The following PIR variants were observed in gnomAD, a reference collection of about 807,000 sequenced individuals.
PIR encodes the protein pirin (iron-binding nuclear protein).
PIR carries 22 observed loss-of-function variants against 24.2 expected under a neutral mutation model. The observed-to-expected ratio is 0.91, with a 90% CI of 0.65 to 1.30. PIR has a LOEUF of 1.30. PIR is among the 50% of genes most tolerant of loss of function. PIR has a pLI of 0.00. For synonymous variants in PIR, 80 were observed against 79.6 expected (o/e 1.00, Z -0.03); for missense variants, 220 against 220.3 (o/e 1.00, Z 0.01).
rs777976196 is a variant in PIR, at chrX:15,407,543, T to G, written c.573A>C (p.Thr191=). The G allele has an allele frequency of 8.3e-7, 1 of 1,199,890 alleles. No homozygotes were observed. Among genetic ancestry groups the G allele is most frequent in the South Asian group, 1.8e-5 (1 of 56,650 alleles). The change falls in exon 7 of 10, where the codon ACA becomes ACC. Residue 191 remains threonine (T), a synonymous_variant. Transcript: ENST00000380420. ...CTCCAGATATCGTGTAAATGAAGCT[T>G]GTCCACCCTGGAAAGGACCAGCAAC... ...KHSQPIPKGW[T]SFIYTISGDV... is the part of the protein sequence containing the mutation.
At chrX:15,395,025 CA>C (rs1924082077) in intron 8 of PIR, among the ~76,000 whole-genome samples, 1 of 111,624 alleles carries the variant, frequency 9.0e-6, no homozygotes, top group Admixed American at 9.5e-5. Flanking sequence ...AAAAGCCAGG[CA>C]AAAAATCAGC....
intron 7 of PIR, among the ~76,000 whole-genome samples, chrX:15,406,241 C>T (rs1335459785): frequency 8.9e-6 from 1 of 112,439 alleles, no homozygotes; most frequent in Non-Finnish European, 1.9e-5. Context: ...GAGGAGAAAA[C>T]GAGGGGCTGG....
intron 6 of PIR, among the ~76,000 whole-genome samples, chrX:15,419,441 A>G (rs745830158): frequency 9.2e-6 from 1 of 109,086 alleles, no homozygotes; most frequent in South Asian, 4.0e-4. Flanking sequence ...ACAGACAGAC[A>G]GACTGAGAAA....
chrX:15,403,565 A>G (rs2147010558), intron 7 of PIR, among the ~76,000 whole-genome samples: 1 of 110,686 alleles, frequency 9.0e-6, no homozygotes, highest in African/African-American at 3.3e-5. Flanking sequence ...TGGTTTTCTG[A>G]CAATGTATTT....
chrX:15,440,454 T>C (rs960676322), intron 5 of PIR, among the ~76,000 whole-genome samples: 2 of 110,636 alleles, frequency 1.8e-5, no homozygotes, highest in African/African-American at 6.6e-5. Context: ...CACTGTCATA[T>C]GTCTGCTTGG....
At chrX:15,455,237 T>C (rs1273130418) in intron 5 of PIR, among the ~76,000 whole-genome samples, 1 of 112,474 alleles carries the variant, frequency 8.9e-6, no homozygotes, top group African/African-American at 3.2e-5. Context: ...CTCCCACAAA[T>C]ATGTCCATAA....
intron 5 of PIR, among the ~76,000 whole-genome samples, chrX:15,433,009 G>A (rs1925560420): frequency 8.9e-6 from 1 of 112,472 alleles, no homozygotes; most frequent in Non-Finnish European, 1.9e-5. Context: ...GTCAAGACAG[G>A]TGAGGGTGGG....
At chrX:15,432,086 G>A (rs1039214826) in intron 5 of PIR, among the ~76,000 whole-genome samples, 3 of 109,981 alleles carry the variant, frequency 2.7e-5, no homozygotes, top group African/African-American at 9.9e-5. Flanking sequence ...ATATGTTGAG[G>A]GCTTAGTATG....
intron 6 of PIR, among the ~76,000 whole-genome samples, chrX:15,419,475 G>A (rs1925046206): frequency 9.1e-6 from 1 of 109,973 alleles, no homozygotes; most frequent in South Asian, 3.9e-4. Context: ...AACTAAAAGT[G>A]ATGTATTGGA....
At chrX:15,417,252 G>C (rs1363613295) in intron 6 of PIR, among the ~76,000 whole-genome samples, 1 of 94,297 alleles carries the variant, frequency 1.1e-5, no homozygotes, top group African/African-American at 4.0e-5. Context: ...GCCAGCTCCG[G>C]CTGACACTTT....
At chrX:15,487,237 T>C (rs988319996) in intron 2 of PIR, among the ~76,000 whole-genome samples, 15 of 112,069 alleles carry the variant, frequency 1.3e-4, no homozygotes, top group African/African-American at 4.5e-4. Flanking sequence ...AAAAGCATCA[T>C]CTACAGAGGC....
intron 9 of PIR, 74 bp downstream of exon 9, chrX:15,390,111 C>A: frequency 2.0e-6 from 1 of 488,980 alleles, no homozygotes; most frequent in Non-Finnish European, 3.3e-6. Context: ...TTCTTCCCAA[C>A]AATAGTATAC....
intron 1 of PIR, among the ~76,000 whole-genome samples, chrX:15,491,669 C>A (rs1277823018): frequency 1.8e-5 from 2 of 111,891 alleles, no homozygotes; most frequent in Non-Finnish European, 3.8e-5. Context: ...TCCCATAAGA[C>A]TATAATGCCA....
At chrX:15,424,319 C>T (rs768914375) in intron 6 of PIR, among the ~76,000 whole-genome samples, 3 of 111,972 alleles carry the variant, frequency 2.7e-5, no homozygotes, top group Non-Finnish European at 5.6e-5. Flanking sequence ...AAATATTGCA[C>T]GTTCTCACTC....
intron 7 of PIR, among the ~76,000 whole-genome samples, chrX:15,399,062 G>C (rs1179013955): frequency 4.5e-5 from 5 of 111,359 alleles, no homozygotes; most frequent in Non-Finnish European, 9.4e-5. Flanking sequence ...GCTGTAGAGA[G>C]GGGGTGAGAT....
chrX:15,465,269 A>T (rs1331345488), intron 3 of PIR, among the ~76,000 whole-genome samples: 1 of 51,155 alleles, frequency 2.0e-5, no homozygotes, highest in Non-Finnish European at 2.9e-5. Flanking sequence ...ACATACTTTC[A>T]GCCTTTGGGG....
rs1924028496 is a variant in PIR at position 15,393,565 on chromosome X, C to G, written c.694-3314G>C. 7.2e-5 allele frequency among the ~76,000 whole-genome samples: 8 copies of G among 110,458 alleles called. No homozygotes were observed. The Admixed American group carries it at 7.8e-4, about 11-fold the overall frequency. ...AGTGAAGCTTCATCTGTATGTACAG[C>G]CACTCCCCACTGCTCGAATTACCAC... On this transcript the variant is annotated intron_variant, in intron 8 of 9. Coordinates refer to ENST00000380420, the MANE Select transcript of PIR (RefSeq NM_001018109.3).
chrX:15,479,671 T>G lies in PIR; in HGVS notation c.189+58A>C. 5 of 546,053 alleles carry G rather than the reference T, an allele frequency of 9.2e-6. No individual in the cohort carries two copies. In the South Asian group the frequency reaches 2.2e-4, roughly 24 times the overall value. The allele number at this position is 546,053 out of a possible 1,213,427, so 45.0% of individuals were successfully genotyped here. On this transcript the variant is annotated intron_variant, in intron 3 of 9. Coordinates refer to ENST00000380420, the MANE Select transcript of PIR (RefSeq NM_001018109.3). The stretch of plus-strand genomic sequence containing the variant: ...TTGCTTTTAAAATTGAATTTTCTAT[T>G]AGAAGAAAGAGGTATGTTTCAAAAT...
At chrX:15,437,395 T>C (rs987954073) in intron 5 of PIR, among the ~76,000 whole-genome samples, 5 of 112,000 alleles carry the variant, frequency 4.5e-5, no homozygotes, top group Non-Finnish European at 9.4e-5. Context: ...ACTTTGTTCA[T>C]ATATTAATAC....
Sources: gnomAD v4.1 joint callset for allele counts (sites outside exome capture counted in the v4.1 genomes callset) on GRCh38, gnomAD v4.1.1 for gene constraint, MANE v1.5 for transcripts, NCBI Gene and HGNC (gene_info 2026-07-23, HGNC 2026-07-21) for gene names.